The following NKAIN2 variants were observed in gnomAD, a reference collection of about 807,000 sequenced individuals.
NKAIN2 encodes the protein sodium/potassium transporting ATPase interacting 2, also known as sodium/potassium-transporting ATPase subunit beta-1-interacting protein 2.
In NKAIN2, 14 loss-of-function variants were observed where a neutral mutation model predicts 32.6. The observed-to-expected ratio is 0.43, with a 90% CI of 0.28 to 0.67. The LOEUF (loss-of-function observed/expected upper bound fraction) is 0.67, where lower values mean the gene tolerates loss of function less well. NKAIN2 is among the 30% of genes least tolerant of loss of function. The pLI is 0.17. For missense variants in NKAIN2, 198 were observed against 258.3 expected, an observed-to-expected ratio of 0.77 and a Z score of 1.60; for synonymous variants, 80 against 87.2, an observed-to-expected ratio of 0.92 and a Z score of 0.46.
intron 3 of NKAIN2, among the ~76,000 whole-genome samples, chr6:124,657,070 T>C (rs896958785): frequency 1.3e-5 from 2 of 152,222 alleles, no homozygotes; most frequent in African/African-American, 4.8e-5. Context: ...GAAGTTCTAC[T>C]TGCAATCTCC....
Position 124,259,166 on chromosome 6 carries a change from T to A in NKAIN2, c.55-23839T>A, listed in dbSNP as rs78319886. On this transcript the variant is annotated intron_variant, in intron 1 of 6. Coordinates refer to ENST00000368417, the MANE Select transcript of NKAIN2 (RefSeq NM_001040214.3). ...CCTTTTGTTGATTCTGTACCATATG[T>A]GGCACTCTCTACTTAAAAGCCCTTC... 8.6e-4 allele frequency among the ~76,000 whole-genome samples: 131 copies of A among 152,290 alleles called. 2 individuals are homozygous for A. The East Asian group carries it at 0.024, about 28-fold the overall frequency.
chr6:124,146,353 T>C (rs1787401341), intron 1 of NKAIN2, among the ~76,000 whole-genome samples: 1 of 152,138 alleles, frequency 6.6e-6, no homozygotes. Flanking sequence ...TTTAATTAAA[T>C]TACTTTATCA....
At chr6:124,734,092 CA>C (rs1283140609) in intron 4 of NKAIN2, among the ~76,000 whole-genome samples, 1 of 145,176 alleles carries the variant, frequency 6.9e-6, no homozygotes, top group Non-Finnish European at 1.5e-5. Context: ...CACACACACA[CA>C]ATGATGGGGG....
intron 1 of NKAIN2, among the ~76,000 whole-genome samples, chr6:124,271,930 G>T (rs1221877868): frequency 2.0e-5 from 3 of 152,092 alleles, no homozygotes; most frequent in Non-Finnish European, 2.9e-5. Context: ...GATGATTTAG[G>T]GTATCTGGCG....
chr6:124,708,977 G>T (rs1246785733), intron 4 of NKAIN2, among the ~76,000 whole-genome samples: 1 of 147,438 alleles, frequency 6.8e-6, no homozygotes, highest in East Asian at 2.0e-4. Context: ...CTGTGGGTTT[G>T]TCATAGATAG....
intron 1 of NKAIN2, among the ~76,000 whole-genome samples, chr6:123,822,384 A>G (rs1355945014): frequency 6.6e-6 from 1 of 152,186 alleles, no homozygotes; most frequent in Non-Finnish European, 1.5e-5. Context: ...TTGGTTAATA[A>G]ATATTTATTG....
intron 3 of NKAIN2, among the ~76,000 whole-genome samples, chr6:124,600,352 A>G (rs1782259590): frequency 6.6e-6 from 1 of 152,104 alleles, no homozygotes; most frequent in South Asian, 2.1e-4. Context: ...ATGCTCTTAT[A>G]ATATAGAAGC....
chr6:124,166,725 T>C (rs1398030509), intron 1 of NKAIN2, among the ~76,000 whole-genome samples: 2 of 151,896 alleles, frequency 1.3e-5, no homozygotes, highest in Non-Finnish European at 2.9e-5. Context: ...CAGTTTCAGC[T>C]TTCTCCATAT....
chr6:124,407,743 T>C (rs1247315487), intron 3 of NKAIN2, among the ~76,000 whole-genome samples: 1 of 151,756 alleles, frequency 6.6e-6, no homozygotes, highest in East Asian at 1.9e-4. Context: ...ATGGTACTTC[T>C]AGTTCTAGAT....
intron 1 of NKAIN2, among the ~76,000 whole-genome samples, chr6:124,073,128 T>C (rs1034215842): frequency 3.3e-5 from 5 of 152,288 alleles, no homozygotes; most frequent in African/African-American, 1.2e-4. Flanking sequence ...TGATGAACAT[T>C]GCAGCCAATT....
At chr6:124,625,667 A>G (rs1783294679) in intron 3 of NKAIN2, among the ~76,000 whole-genome samples, 1 of 151,688 alleles carries the variant, frequency 6.6e-6, no homozygotes, top group Non-Finnish European at 1.5e-5. Flanking sequence ...GAGAGAAGTT[A>G]TTTTCATGAG....
intron 3 of NKAIN2, among the ~76,000 whole-genome samples, chr6:124,484,938 A>G (rs1354910102): frequency 6.6e-6 from 1 of 152,140 alleles, no homozygotes; most frequent in Non-Finnish European, 1.5e-5. Flanking sequence ...TAGCATATAA[A>G]ACACATTGTG....
intron 3 of NKAIN2, among the ~76,000 whole-genome samples, chr6:124,359,274 T>A (rs2114263096): frequency 6.6e-6 from 1 of 152,282 alleles, no homozygotes; most frequent in South Asian, 2.1e-4. Context: ...TTGTTCCATA[T>A]GAACTTTAAA....
chr6:124,711,552 G>A (rs1407285811), intron 4 of NKAIN2, among the ~76,000 whole-genome samples: 303 of 149,418 alleles, frequency 2.0e-3, no homozygotes, highest in African/African-American at 6.2e-3. Flanking sequence ...TTCCCTTCTC[G>A]CTTCATTTCA....
chr6:124,817,246 T>C (rs1781205690), intron 5 of NKAIN2, among the ~76,000 whole-genome samples: 1 of 152,076 alleles, frequency 6.6e-6, no homozygotes, highest in African/African-American at 2.4e-5. Flanking sequence ...TTTTGGCATT[T>C]TTTTTTTTGG....
intron 1 of NKAIN2, among the ~76,000 whole-genome samples, chr6:123,890,607 A>C (rs1773958863): frequency 6.6e-6 from 1 of 152,182 alleles, no homozygotes; most frequent in East Asian, 1.9e-4. Context: ...GAAAAATAGT[A>C]CAAACCATTT....
At chr6:124,150,430 A>G (rs1787652858) in intron 1 of NKAIN2, among the ~76,000 whole-genome samples, 1 of 152,136 alleles carries the variant, frequency 6.6e-6, no homozygotes, top group African/African-American at 2.4e-5. Context: ...TGCATGTATT[A>G]TTTTATAAAT....
At chr6:123,934,243 G>T (rs776187297) in intron 1 of NKAIN2, among the ~76,000 whole-genome samples, 4 of 152,082 alleles carry the variant, frequency 2.6e-5, no homozygotes, top group Admixed American at 6.5e-5. Flanking sequence ...TTGAGCCCTT[G>T]CCTATGACTC....
chr6:124,346,164 T>G (rs1267827355), intron 2 of NKAIN2, among the ~76,000 whole-genome samples: 1 of 152,234 alleles, frequency 6.6e-6, no homozygotes, highest in Non-Finnish European at 1.5e-5. Context: ...TTCTTAATCC[T>G]GAGTTCTAGT....
Sources: allele counts gnomAD v4.1 joint callset (sites outside exome capture counted in the v4.1 genomes callset), GRCh38; gene constraint gnomAD v4.1.1; transcripts MANE v1.5; gene names NCBI Gene and HGNC (gene_info 2026-07-23, HGNC 2026-07-21).